The following TENM4 variants were observed in gnomAD, a reference collection of about 807,000 sequenced individuals.
The protein encoded by TENM4 is teneurin transmembrane protein 4.
A neutral mutation model predicts 243.3 loss-of-function variants in TENM4; 82 were observed. The observed-to-expected ratio is 0.34, with a 90% CI of 0.28 to 0.40. TENM4 has a LOEUF of 0.40. TENM4 is among the 10% of genes least tolerant of loss of function. TENM4 has a pLI of 1.00. For missense variants in TENM4, 3,138 were observed against 3,673.3 expected, an observed-to-expected ratio of 0.85 and a Z score of 3.77; for synonymous variants, 1,412 against 1,456.3, an observed-to-expected ratio of 0.97 and a Z score of 0.69.
chr11:78,728,128 A>G (rs918244350), intron 22 of TENM4, among the ~76,000 whole-genome samples: 1 of 152,216 alleles, frequency 6.6e-6, no homozygotes, highest in African/African-American at 2.4e-5. Context: ...CATTTTAAAA[A>G]AGACGACAGA....
intron 2 of TENM4, among the ~76,000 whole-genome samples, chr11:79,234,469 A>G (rs1284467552): frequency 6.7e-6 from 1 of 148,190 alleles, no homozygotes; most frequent in Admixed American, 6.6e-5. Context: ...GCTGAGCTCA[A>G]TTTCTCCATT....
At chr11:78,864,350 A>G (rs562521953) in intron 9 of TENM4, among the ~76,000 whole-genome samples, 5 of 140,852 alleles carry the variant, frequency 3.5e-5, no homozygotes, top group Admixed American at 1.5e-4. Flanking sequence ...AGGAGAATGA[A>G]GTGAACCTGG....
intron 2 of TENM4, among the ~76,000 whole-genome samples, chr11:79,258,159 G>A (rs1855731847): frequency 6.6e-6 from 1 of 152,106 alleles, no homozygotes; most frequent in East Asian, 1.9e-4. Context: ...TAGGCCTTTG[G>A]AGTCAGATAA....
At chr11:79,404,155 A>C (rs1858519988) in intron 1 of TENM4, among the ~76,000 whole-genome samples, 2 of 152,254 alleles carry the variant, frequency 1.3e-5, no homozygotes, top group African/African-American at 4.8e-5. Flanking sequence ...CACCTGACAT[A>C]ATAATTAAGC....
chr11:78,722,623 A>G, intron 24 of TENM4, 45 bp downstream of exon 24: 1 of 1,587,540 alleles, frequency 6.3e-7, no homozygotes, highest in Admixed American at 1.7e-5. Flanking sequence ...AAGGATGGCA[A>G]AGGCATATTA....
intron 3 of TENM4, among the ~76,000 whole-genome samples, chr11:79,195,615 A>G (rs1863610957): frequency 6.6e-6 from 1 of 152,086 alleles, no homozygotes; most frequent in Non-Finnish European, 1.5e-5. Context: ...TGTTTTGGCC[A>G]ATTTCTCCCA....
Position 78,701,951 on chromosome 11 carries a change from G to T in TENM4, c.4662C>A (p.Asp1554Glu), listed in dbSNP as rs1033019883. The T allele has an allele frequency of 5.6e-6, 9 of 1,613,876 alleles. No homozygotes were observed. The highest frequency in any genetic ancestry group is 7.6e-6 in the Non-Finnish European group (9 of 1,179,900). ...VCADGELYVADLGNIRIRFIR... is the reference protein window; with the variant it reads ...VCADGELYVAELGNIRIRFIR... ...TAAACCGAATTCGGATGTTCCCAAGGTCGGCCACGTAGAGCTCCCCATCAG... is the reference window on the plus strand; with the variant it reads ...TAAACCGAATTCGGATGTTCCCAAGTTCGGCCACGTAGAGCTCCCCATCAG... The change falls in exon 28 of 34, where the codon GAC becomes GAA. Residue 1554 changes from aspartate to glutamate, a missense_variant. Physicochemically the swap from Asp to Glu is conservative, Grantham distance 45 (BLOSUM62 2). This residue lies in a region of TENM4 where 2,467 missense variants were observed against 3,059.1 expected (regional missense o/e 0.81). Transcript: ENST00000278550.
chr11:79,302,979 C>G (rs2203054), intron 1 of TENM4, among the ~76,000 whole-genome samples: 11,068 of 152,142 alleles, frequency 0.073, 646 homozygotes, highest in East Asian at 0.27. Context: ...TTGCTGGGGC[C>G]TATTATGGAG....
At chr11:78,825,178 C>T (rs1210014543) in intron 12 of TENM4, among the ~76,000 whole-genome samples, 3 of 152,214 alleles carry the variant, frequency 2.0e-5, no homozygotes, top group Non-Finnish European at 4.4e-5. Flanking sequence ...AGAGTCACTA[C>T]ACCGGTCTAG....
chr11:79,397,651 A>AG (rs1858373472), intron 1 of TENM4, among the ~76,000 whole-genome samples: 1 of 152,220 alleles, frequency 6.6e-6, no homozygotes, highest in Non-Finnish European at 1.5e-5. Context: ...AAGGGTTAGG[A>AG]GGCTTTGTGA....
intron 4 of TENM4, among the ~76,000 whole-genome samples, chr11:79,100,990 C>G (rs1239139076): frequency 6.6e-6 from 1 of 151,912 alleles, no homozygotes; most frequent in Non-Finnish European, 1.5e-5. Context: ...GTGGGCTGGA[C>G]TGGGGAGAGT....
chr11:79,422,768 C>A (rs1308523559), intron 1 of TENM4, among the ~76,000 whole-genome samples: 1 of 152,188 alleles, frequency 6.6e-6, no homozygotes, highest in Non-Finnish European at 1.5e-5. Flanking sequence ...GGGTCTGACC[C>A]AAGGCTGGTT....
intron 1 of TENM4, among the ~76,000 whole-genome samples, chr11:79,311,169 A>C (rs557988340): frequency 1.1e-4 from 17 of 152,316 alleles, no homozygotes; most frequent in African/African-American, 3.8e-4. Flanking sequence ...CTAGCTTCTG[A>C]CCGGACAAAA....
At position 78,658,087 on chromosome 11, in the gene TENM4, T is replaced by A; in HGVS notation, c.8281A>T (p.Met2761Leu). The change falls in exon 34 of 34, where the codon ATG (methionine) becomes TTG (leucine). Residue 2761 changes from methionine (M) to leucine (L), a missense_variant. Met to Leu is a conservative substitution (Grantham distance 15, BLOSUM62 2). Around this residue, in one of 2 missense-constraint regions of TENM4, gnomAD observed 2,467 missense variants for 3,059.1 expected, o/e 0.81. Coordinates refer to ENST00000278550, the MANE Select transcript of TENM4 (RefSeq NM_001098816.3). ...CTCCGGCCCATCTCGCTCTGTCTCA[T>A]GAAGTGGATGTTGTTGGCGCTGTCT... ...LSDSANNIHF[M>L]RQSEMGRR is the part of the protein sequence containing the mutation. The A allele has an allele frequency of 6.2e-7, 1 of 1,613,566 alleles. No individual in the cohort carries two copies. Among genetic ancestry groups the A allele is most frequent in the Non-Finnish European group, 8.5e-7 (1 of 1,179,672 alleles).
At chr11:79,286,784 C>T (rs1000569455) in intron 2 of TENM4, among the ~76,000 whole-genome samples, 6 of 152,158 alleles carry the variant, frequency 3.9e-5, no homozygotes, top group African/African-American at 1.2e-4. Flanking sequence ...TTTCTTTCAT[C>T]TTCATTTATT....
rs527571589 is a variant in TENM4, at chr11:78,870,267, A to C, written c.1085-7135T>G. On this transcript the variant is annotated intron_variant, in intron 9 of 33. Transcript: ENST00000278550. ...TGCTATGCTGATTTCCCTAATTCCT[A>C]TATCTACTGAAAACTTTAAGCCAGC... 8.5e-5 allele frequency among the ~76,000 whole-genome samples: 13 copies of C among 152,284 alleles called. No homozygotes were observed. The South Asian group carries it at 2.7e-3, about 32-fold the overall frequency.
chr11:79,344,080 A>G (rs1002937455), intron 1 of TENM4, among the ~76,000 whole-genome samples: 2 of 152,232 alleles, frequency 1.3e-5, no homozygotes, highest in Admixed American at 6.5e-5. Flanking sequence ...AGATCACACA[A>G]TGAGGAACTG....
At chr11:78,727,157 A>G (rs1855530881) in intron 22 of TENM4, among the ~76,000 whole-genome samples, 1 of 152,228 alleles carries the variant, frequency 6.6e-6, no homozygotes, top group South Asian at 2.1e-4. Flanking sequence ...TTGCATTAAA[A>G]GAAATTACGG....
At chr11:78,810,218 A>C (rs577727262) in intron 14 of TENM4, among the ~76,000 whole-genome samples, 12 of 152,368 alleles carry the variant, frequency 7.9e-5, no homozygotes, top group Non-Finnish European at 1.3e-4. Context: ...TTCACCAGAG[A>C]AACAGAAATA....
Sources: gnomAD v4.1 joint callset for allele counts (sites outside exome capture counted in the v4.1 genomes callset) on GRCh38, gnomAD v4.1.1 for gene constraint, gnomAD v4.1.1 regional missense constraint, MANE v1.5 for transcripts, NCBI Gene and HGNC (gene_info 2026-07-23, HGNC 2026-07-21) for gene names.